Variants in SPATA6 observed in about 807,000 individuals in gnomAD.
The protein encoded by SPATA6 is spermatogenesis-associated protein 6.
In SPATA6, 56 loss-of-function variants were observed where a neutral mutation model predicts 65.3. The ratio of observed to expected loss-of-function variants is 0.86; its 90% CI spans 0.69 to 1.07. The LOEUF (loss-of-function observed/expected upper bound fraction) is 1.07. SPATA6 is among the 50% of genes least tolerant of loss of function. SPATA6 has a pLI of 0.00. For synonymous variants in SPATA6, 199 were observed against 213.2 expected (o/e 0.93, Z 0.58); for missense variants, 590 against 594.8 (o/e 0.99, Z 0.08).
chr1:48,336,583 A>G (rs930721973), intron 11 of SPATA6, among the ~76,000 whole-genome samples: 5 of 151,974 alleles, frequency 3.3e-5, no homozygotes, highest in African/African-American at 1.2e-4. Flanking sequence ...AAATAAAGAG[A>G]ATACATGAAC....
intron 11 of SPATA6, among the ~76,000 whole-genome samples, chr1:48,312,531 C>T (rs1645251138): frequency 6.6e-6 from 1 of 152,136 alleles, no homozygotes; most frequent in Non-Finnish European, 1.5e-5. Flanking sequence ...GACACCCAAA[C>T]CAAAAACCCA....
chr1:48,437,371 A>T, intron 3 of SPATA6: 1 of 1,478,532 alleles, frequency 6.8e-7, no homozygotes. Flanking sequence ...CTCTGTTCAA[A>T]GGGGCACCAG....
chr1:48,278,099 C>G, the SPATA6 span, among the ~76,000 whole-genome samples: 87 of 152,286 alleles, frequency 5.7e-4, 1 homozygote, highest in Non-Finnish European at 9.4e-4. Flanking sequence ...TAGCAAACTC[C>G]AACAGACCTG....
chr1:48,415,743 A>G (rs535505474), intron 3 of SPATA6, among the ~76,000 whole-genome samples: 2 of 152,014 alleles, frequency 1.3e-5, no homozygotes, highest in African/African-American at 4.8e-5. Context: ...AAACAGAAAA[A>G]AAAAAACACA....
chr1:48,290,001 C>T, the SPATA6 span, among the ~76,000 whole-genome samples: 8 of 152,210 alleles, frequency 5.3e-5, no homozygotes, highest in South Asian at 6.2e-4. Context: ...GTAAAGAAAA[C>T]GCCACAAAGA....
intron 10 of SPATA6, among the ~76,000 whole-genome samples, chr1:48,358,417 T>G (rs1263114271): frequency 4.6e-5 from 7 of 151,516 alleles, no homozygotes; most frequent in Non-Finnish European, 1.0e-4. Flanking sequence ...AAGTTTATTA[T>G]AAAAGTAAAT....
chr1:48,322,127 C>T lies in SPATA6; in HGVS notation c.1195-16249G>A, dbSNP rs557984950. On this transcript the variant is annotated intron_variant, in intron 11 of 12. Coordinates refer to ENST00000371847, the MANE Select transcript of SPATA6 (RefSeq NM_019073.4). ...CAACCTAATGATGCATCTTAAAGAA[C>T]TAGAAAGGCAAGAAAAAACCAAAGC... Among the ~76,000 whole-genome samples, 5 of 151,820 alleles carry T rather than the reference C, an allele frequency of 3.3e-5. No homozygotes were observed. The South Asian group carries it at 8.3e-4, about 25-fold the overall frequency.
the SPATA6 span, among the ~76,000 whole-genome samples, chr1:48,278,390 C>T: frequency 6.6e-6 from 1 of 152,072 alleles, no homozygotes; most frequent in Admixed American, 6.6e-5. Flanking sequence ...CTCCGAGCTA[C>T]AGGAGGAAAT....
At chr1:48,368,867 C>T (rs569682708) in intron 9 of SPATA6, among the ~76,000 whole-genome samples, 3 of 152,286 alleles carry the variant, frequency 2.0e-5, no homozygotes, top group East Asian at 1.9e-4. Context: ...GAAGGAGAGG[C>T]GTGCTGTTTT....
chr1:48,274,148 G>A, the SPATA6 span, among the ~76,000 whole-genome samples: 6 of 152,084 alleles, frequency 3.9e-5, no homozygotes, highest in African/African-American at 1.2e-4. Context: ...GTCTTCTTTT[G>A]AGAAGTGTCT....
intron 1 of SPATA6, among the ~76,000 whole-genome samples, chr1:48,469,900 T>A (rs1658107728): frequency 6.6e-6 from 1 of 151,208 alleles, no homozygotes; most frequent in Non-Finnish European, 1.5e-5. Flanking sequence ...TTCGGGAACA[T>A]TTTGCACATC....
chr1:48,443,154 G>A (rs1463440619), intron 3 of SPATA6, among the ~76,000 whole-genome samples: 2 of 152,230 alleles, frequency 1.3e-5, no homozygotes, highest in African/African-American at 4.8e-5. Flanking sequence ...AGTACTTACA[G>A]AATCAGGAGG....
At chr1:48,274,357 T>G in the SPATA6 span, among the ~76,000 whole-genome samples, 1 of 152,208 alleles carries the variant, frequency 6.6e-6, no homozygotes, top group African/African-American at 2.4e-5. Flanking sequence ...TAGATCCCGT[T>G]GTATATTTTG....
the SPATA6 span, among the ~76,000 whole-genome samples, chr1:48,272,957 A>C: frequency 6.6e-6 from 1 of 152,106 alleles, no homozygotes; most frequent in Non-Finnish European, 1.5e-5. Context: ...CCATTTTTAA[A>C]TTGCTATTTG....
intron 11 of SPATA6, among the ~76,000 whole-genome samples, chr1:48,340,319 G>T (rs1646179080): frequency 9.9e-6 from 1 of 101,046 alleles, no homozygotes; most frequent in Non-Finnish European, 2.0e-5. Context: ...AATGGAAACA[G>T]AATCCAAAAA....
At chr1:48,452,942 G>T in intron 2 of SPATA6, 52 bp downstream of exon 2, 1 of 1,572,448 alleles carries the variant, frequency 6.4e-7, no homozygotes, top group South Asian at 1.2e-5. Flanking sequence ...TCAAAAATTG[G>T]AACCACTTTG....
chr1:48,316,378 G>A (rs962460319), intron 11 of SPATA6, among the ~76,000 whole-genome samples: 17 of 152,054 alleles, frequency 1.1e-4, no homozygotes, highest in East Asian at 3.9e-4. Flanking sequence ...AAATAATGCC[G>A]CATATCTACA....
chr1:48,272,217 C>T, the SPATA6 span, among the ~76,000 whole-genome samples: 2 of 152,122 alleles, frequency 1.3e-5, no homozygotes, highest in Non-Finnish European at 2.9e-5. Context: ...TAAGACCTGT[C>T]TTCTTAGCAA....
intron 6 of SPATA6, chr1:48,400,933 A>G (rs776304523): frequency 4.7e-6 from 3 of 637,912 alleles, no homozygotes; most frequent in Non-Finnish European, 6.5e-6. Flanking sequence ...GAAGCAAAGA[A>G]TGTCAGCACT....
Sources: allele counts gnomAD v4.1 joint callset (sites outside exome capture counted in the v4.1 genomes callset), GRCh38; gene constraint gnomAD v4.1.1; transcripts MANE v1.5; gene names NCBI Gene and HGNC (gene_info 2026-07-23, HGNC 2026-07-21).